ZNF536: variants seen among roughly 807,000 people sequenced by gnomAD.
The protein encoded by ZNF536 is zinc finger protein 536.
A neutral mutation model predicts 84.5 loss-of-function variants in ZNF536; 13 were observed. The ratio of observed to expected loss-of-function variants is 0.15; its 90% CI spans 0.10 to 0.24. ZNF536 has a LOEUF of 0.24. Among genes scored for constraint, ZNF536 ranks in the 10% least tolerant of loss-of-function variants. The pLI is 1.00. For synonymous variants in ZNF536, 811 were observed against 742.5 expected (o/e 1.09, Z -1.50); for missense variants, 1,536 against 1,747.5 (o/e 0.88, Z 2.16).
intron 1 of ZNF536, among the ~76,000 whole-genome samples, chr19:30,377,829 T>C (rs1383366149): frequency 2.6e-5 from 4 of 152,274 alleles, no homozygotes; most frequent in African/African-American, 9.6e-5. Flanking sequence ...TAGGAATACC[T>C]CACTTTCTGG....
upstream of ZNF536, among the ~76,000 whole-genome samples, chr19:30,369,943 A>T (rs911814636): frequency 1.3e-5 from 2 of 152,000 alleles, no homozygotes; most frequent in African/African-American, 2.4e-5. Context: ...GGATCCAATT[A>T]AAAAAAATAT....
chr19:30,578,778 T>C (rs1203114804), intron 1 of ZNF536, among the ~76,000 whole-genome samples: 1 of 152,168 alleles, frequency 6.6e-6, no homozygotes, highest in Non-Finnish European at 1.5e-5. Flanking sequence ...GACACCCAGC[T>C]CCACTTACCA....
chr19:30,344,440 C>CAAAAAAAA (rs10628847), intron 2 of ZNF536, among the ~76,000 whole-genome samples: 14 of 69,162 alleles, frequency 2.0e-4, no homozygotes, highest in South Asian at 7.1e-4. Context: ...AACTCCATCT[C>CAAAAAAAA]AAAAAAAAAA....
At chr19:30,458,891 A>G (rs1235502715) in intron 2 of ZNF536, among the ~76,000 whole-genome samples, 1 of 152,146 alleles carries the variant, frequency 6.6e-6, no homozygotes, top group Admixed American at 6.5e-5. Context: ...CCTGGATGCC[A>G]TAGAGGCAGA....
At chr19:30,574,950 G>A (rs764575257) in intron 1 of ZNF536, among the ~76,000 whole-genome samples, 9 of 152,116 alleles carry the variant, frequency 5.9e-5, no homozygotes, top group Non-Finnish European at 1.0e-4. Flanking sequence ...GAAAGTGATG[G>A]CAGGAAGGCT....
At chr19:30,462,408 A>G (rs754521352) in intron 2 of ZNF536, among the ~76,000 whole-genome samples, 90 of 151,882 alleles carry the variant, frequency 5.9e-4, no homozygotes, top group Non-Finnish European at 8.5e-4. Context: ...TGCTGTATGT[A>G]TATCTGCAAG....
intron 1 of ZNF536, among the ~76,000 whole-genome samples, chr19:30,694,668 G>T (rs2147936850): frequency 6.9e-6 from 1 of 143,948 alleles, no homozygotes; most frequent in Middle Eastern, 3.6e-3. Context: ...CATTGGCAAT[G>T]AATTACATTT....
chr19:30,264,407 GTGTGTGTGTGTGTA>G (rs1157687053), intron 1 of ZNF536, among the ~76,000 whole-genome samples: 1 of 149,366 alleles, frequency 6.7e-6, no homozygotes, highest in Non-Finnish European at 1.5e-5. Flanking sequence ...GTGTGTGTGT[GTGTGTGTGTGTGTA>G]TGTGTGTGTA....
chr19:30,685,001 C>G (rs796740711), intron 1 of ZNF536, among the ~76,000 whole-genome samples: 3 of 152,198 alleles, frequency 2.0e-5, no homozygotes, highest in Admixed American at 1.3e-4. Context: ...ACTCAGGCCA[C>G]GCAAGTGAAT....
chr19:30,332,547 C>A (rs1437864611), intron 2 of ZNF536, among the ~76,000 whole-genome samples: 1 of 152,152 alleles, frequency 6.6e-6, no homozygotes, highest in Admixed American at 6.5e-5. Context: ...TCTCAAATAT[C>A]CCCTCCTCAG....
At chr19:30,524,434 G>A (rs950867607) in intron 2 of ZNF536, among the ~76,000 whole-genome samples, 1 of 152,214 alleles carries the variant, frequency 6.6e-6, no homozygotes, top group Non-Finnish European at 1.5e-5. Flanking sequence ...TCAGGGACTT[G>A]CCTTCTGCCA....
intron 1 of ZNF536, among the ~76,000 whole-genome samples, chr19:30,249,630 G>A (rs887425169): frequency 6.6e-6 from 1 of 152,204 alleles, no homozygotes; most frequent in African/African-American, 2.4e-5. Context: ...GGGTGATGGA[G>A]CGAGACCCTG....
chr19:30,466,342 G>C (rs1461499975), intron 2 of ZNF536, among the ~76,000 whole-genome samples: 1 of 150,982 alleles, frequency 6.6e-6, no homozygotes, highest in Non-Finnish European at 1.5e-5. Flanking sequence ...AGGAGTTCAA[G>C]ACCAGCTGGG....
chr19:30,553,163 G>C (rs1599781247), intron 4 of ZNF536, among the ~76,000 whole-genome samples: 1 of 152,222 alleles, frequency 6.6e-6, no homozygotes, highest in Non-Finnish European at 1.5e-5. Context: ...TTTGTAATGG[G>C]ATAGACTCCA....
At chr19:30,640,705 A>G (rs1331639213) in intron 1 of ZNF536, among the ~76,000 whole-genome samples, 2 of 152,226 alleles carry the variant, frequency 1.3e-5, no homozygotes, top group Non-Finnish European at 2.9e-5. Context: ...TCCATATCCT[A>G]TATGAAGTGG....
intron 2 of ZNF536, among the ~76,000 whole-genome samples, chr19:30,514,108 T>A (rs1165679259): frequency 1.3e-5 from 2 of 152,170 alleles, no homozygotes; most frequent in Admixed American, 6.5e-5. Flanking sequence ...TGCTTTGCTT[T>A]TGAAGCTGAG....
chr19:30,589,891 C>T (rs924737265), intron 1 of ZNF536, among the ~76,000 whole-genome samples: 1 of 152,182 alleles, frequency 6.6e-6, no homozygotes, highest in African/African-American at 2.4e-5. Context: ...CAGGGGTTCC[C>T]TCTATGCAGA....
intron 1 of ZNF536, among the ~76,000 whole-genome samples, chr19:30,670,741 G>C (rs8111939): frequency 0.25 from 37,940 of 152,128 alleles, 5,418 homozygotes; most frequent in African/African-American, 0.36. Context: ...TGGTGCCTCT[G>C]TTGCCCACGC....
intron 1 of ZNF536, among the ~76,000 whole-genome samples, chr19:30,263,425 T>C (rs1216266332): frequency 1.3e-5 from 2 of 151,826 alleles, no homozygotes; most frequent in Non-Finnish European, 2.9e-5. Context: ...CCAGGGACCA[T>C]CCCCCCGACC....
Sources: gnomAD v4.1 joint callset for allele counts (sites outside exome capture counted in the v4.1 genomes callset) on GRCh38, gnomAD v4.1.1 for gene constraint, MANE v1.5 for transcripts, NCBI Gene and HGNC (gene_info 2026-07-23, HGNC 2026-07-21) for gene names.